Variants in RPTOR observed in about 807,000 individuals in gnomAD.
RPTOR encodes regulatory-associated protein of mTOR.
Under a neutral mutation model 169.9 loss-of-function variants are expected in RPTOR, and 21 were observed. The observed-to-expected ratio is 0.12, with a 90% CI of 0.09 to 0.18. The LOEUF (loss-of-function observed/expected upper bound fraction) is 0.18, where lower values mean the gene tolerates loss of function less well. RPTOR is among the 10% of genes least tolerant of loss of function. The pLI, the probability that RPTOR is intolerant of heterozygous loss-of-function variation, is 1.00. For missense variants in RPTOR, 1,133 were observed against 1,855.9 expected (o/e 0.61, Z 7.16); for synonymous variants, 732 against 753.2 (o/e 0.97, Z 0.46).
intron 10 of RPTOR, among the ~76,000 whole-genome samples, chr17:80,841,184 TC>T (rs1199647757): frequency 1.7e-5 from 2 of 118,340 alleles, no homozygotes; most frequent in African/African-American, 4.0e-5. Context: ...GCACGGCAGC[TC>T]ACACTCACCG....
Position 80,845,234 on chromosome 17 carries a change from G to A in RPTOR, c.1213-1239G>A, listed in dbSNP as rs1245750993. ...TCTGTGCCTGCACTCACGTGGCTGG[G>A]CTAACTGGGAGCTCGGGCCCACCCG... is the stretch of plus-strand genomic sequence containing the variant. On this transcript the variant is annotated intron_variant, in intron 10 of 33. Coordinates refer to ENST00000306801, the MANE Select transcript of RPTOR (RefSeq NM_020761.3). This position sits in a 1 kb window ranked among gnomAD's most constrained non-coding sequence, Gnocchi z 5.4. Among the ~76,000 whole-genome samples, 1 of 152,142 alleles carries A rather than the reference G, an allele frequency of 6.6e-6. No homozygotes were observed. Among genetic ancestry groups the A allele is most frequent in the Admixed American group, 6.5e-5 (1 of 15,278 alleles).
intron 5 of RPTOR, among the ~76,000 whole-genome samples, chr17:80,748,528 G>C (rs2066600230): frequency 8.3e-6 from 1 of 121,064 alleles, no homozygotes; most frequent in Admixed American, 7.9e-5. Flanking sequence ...TGTGTTTAGA[G>C]GCCATGGCGG....
chr17:80,918,639 T>C (rs1243021129), intron 21 of RPTOR, among the ~76,000 whole-genome samples: 2 of 152,152 alleles, frequency 1.3e-5, no homozygotes, highest in Non-Finnish European at 2.9e-5. Context: ...CTGAGCCCCA[T>C]TCTAGTTCTG....
intron 9 of RPTOR, among the ~76,000 whole-genome samples, chr17:80,830,865 G>A (rs1016021677): frequency 1.3e-5 from 2 of 151,514 alleles, no homozygotes; most frequent in East Asian, 1.9e-4. Context: ...ATCCTCTCAC[G>A]TCAGACCCCC....
chr17:80,572,796 G>A (rs1350912456), intron 1 of RPTOR, among the ~76,000 whole-genome samples: 1 of 152,088 alleles, frequency 6.6e-6, no homozygotes, highest in African/African-American at 2.4e-5. Context: ...GTTCCTTATG[G>A]GGTCTTTTGA....
chr17:80,782,294 A>G (rs1236132668), intron 6 of RPTOR, among the ~76,000 whole-genome samples: 2 of 152,224 alleles, frequency 1.3e-5, no homozygotes, highest in Non-Finnish European at 2.9e-5. Flanking sequence ...GCTTCTTTAT[A>G]TAGAAAGAAC....
chr17:80,711,375 TC>T (rs67161723), intron 4 of RPTOR, among the ~76,000 whole-genome samples: 34,699 of 151,756 alleles, frequency 0.23, 4,031 homozygotes, highest in East Asian at 0.32. Flanking sequence ...ACACTTTTTT[TC>T]TTGTCCCCTG....
intron 3 of RPTOR, among the ~76,000 whole-genome samples, chr17:80,648,341 T>C (rs1463262237): frequency 6.6e-6 from 1 of 152,102 alleles, no homozygotes; most frequent in Non-Finnish European, 1.5e-5. Flanking sequence ...GCACAAGTGT[T>C]ATTTGCAGAA....
intron 14 of RPTOR, among the ~76,000 whole-genome samples, 189 bp downstream of exon 14, chr17:80,880,678 G>A (rs901335025): frequency 6.6e-6 from 1 of 152,212 alleles, no homozygotes; most frequent in Admixed American, 6.5e-5. Flanking sequence ...TACCATGAGC[G>A]CAGCTGTTAT....
intron 15 of RPTOR, 56 bp from the exon 16 acceptor site, chr17:80,883,725 C>A: frequency 6.3e-7 from 1 of 1,579,704 alleles, no homozygotes; most frequent in South Asian, 1.1e-5. Context: ...AGGTACCCAC[C>A]ACGTGCCTGC....
chr17:80,600,915 G>A (rs1187931562), intron 1 of RPTOR, among the ~76,000 whole-genome samples: 1 of 77,626 alleles, frequency 1.3e-5, no homozygotes, highest in Non-Finnish European at 3.0e-5. Flanking sequence ...GACCGCAGCA[G>A]CGTCTCCCGC....
At chr17:80,702,671 G>A (rs1448017736) in intron 3 of RPTOR, among the ~76,000 whole-genome samples, 9 of 152,186 alleles carry the variant, frequency 5.9e-5, no homozygotes, top group Admixed American at 2.6e-4. Flanking sequence ...CTACGCAATA[G>A]GTAAGAAAAT....
In RPTOR at chr17:80,941,773, G is replaced by A. The variant is rs892007877; in HGVS notation, c.3025+1172G>A. On this transcript the variant is annotated intron_variant, in intron 25 of 33. Coordinates refer to ENST00000306801, the MANE Select transcript of RPTOR (RefSeq NM_020761.3). Reference sequence around the variant, plus strand: ...CCCTCCTGCCAAAGCCGAGGGCCCTGCCCGCAGGCAGCACAGGCGCCATGA... The same window carrying A: ...CCCTCCTGCCAAAGCCGAGGGCCCTACCCGCAGGCAGCACAGGCGCCATGA... 6 of 152,304 alleles carry A rather than the reference G, an allele frequency of 3.9e-5. 1 individual carries two copies. The East Asian group carries it at 5.8e-4, about 15-fold the overall frequency. 9.4% of individuals were successfully genotyped at this position (152,304 alleles called of 1,614,324 possible). A position where few individuals can be genotyped will look rare whatever the true frequency, so the allele number is the denominator to read the frequency against.
chr17:80,827,022 A>G (rs1041705414), intron 9 of RPTOR, among the ~76,000 whole-genome samples: 7 of 152,348 alleles, frequency 4.6e-5, no homozygotes, highest in East Asian at 3.9e-4. Context: ...GCGGGAAGGA[A>G]GAGGCGAGCA....
At chr17:80,855,441 C>T (rs1220293672) in intron 11 of RPTOR, 23 bp from the exon 12 acceptor site, 1 of 1,585,288 alleles carries the variant, frequency 6.3e-7, no homozygotes, top group Non-Finnish European at 8.7e-7. Context: ...TGCAGTGATA[C>T]CATTTTCTTC....
chr17:80,652,401 A>G (rs538391579), intron 3 of RPTOR, among the ~76,000 whole-genome samples: 3 of 152,306 alleles, frequency 2.0e-5, no homozygotes, highest in South Asian at 4.1e-4. Context: ...GGAGCCATAC[A>G]GTATGTGGCC....
At chr17:80,795,002 T>C (rs1389364557) in intron 7 of RPTOR, among the ~76,000 whole-genome samples, 1 of 152,166 alleles carries the variant, frequency 6.6e-6, no homozygotes, top group Non-Finnish European at 1.5e-5. Context: ...TTCCAATCCA[T>C]AGCATGTGTA....
chr17:80,753,080 A>C (rs2066644806), intron 5 of RPTOR, among the ~76,000 whole-genome samples: 1 of 152,232 alleles, frequency 6.6e-6, no homozygotes. Flanking sequence ...CCCTGATTAC[A>C]AAATTAATGC....
At chr17:80,567,831 T>TAAAA in intron 1 of RPTOR, among the ~76,000 whole-genome samples, 1 of 151,264 alleles carries the variant, frequency 6.6e-6, no homozygotes. Context: ...AATAAATAAA[T>TAAAA]AAAAGTCCAT....
Sources: allele counts gnomAD v4.1 joint callset (sites outside exome capture counted in the v4.1 genomes callset), GRCh38; gene constraint gnomAD v4.1.1; non-coding constraint Gnocchi (gnomAD v3.1); transcripts MANE v1.5; gene names NCBI Gene and HGNC (gene_info 2026-07-23, HGNC 2026-07-21).